NIBAN1: variants seen among roughly 807,000 people sequenced by gnomAD.
The protein encoded by NIBAN1 is protein Niban 1.
A neutral mutation model predicts 75.1 loss-of-function variants in NIBAN1; 81 were observed. The observed-to-expected ratio is 1.08, with a 90% CI of 0.90 to 1.30. The LOEUF is 1.30. Ranked by LOEUF, NIBAN1 falls within the 50% of genes most tolerant of loss-of-function variation. NIBAN1 has a pLI of 0.00. For synonymous variants in NIBAN1, 436 were observed against 424.8 expected (o/e 1.03, Z -0.32); for missense variants, 1,133 against 1,128.1 (o/e 1.00, Z -0.06).
intron 1 of NIBAN1, among the ~76,000 whole-genome samples, chr1:184,906,971 C>G (rs1011475834): frequency 6.6e-6 from 1 of 152,188 alleles, no homozygotes; most frequent in South Asian, 2.1e-4. Context: ...GATTATGCCT[C>G]GTTCCCCCAA....
intron 5 of NIBAN1, among the ~76,000 whole-genome samples, chr1:184,840,149 T>C (rs2102249508): frequency 6.6e-6 from 1 of 152,344 alleles, no homozygotes; most frequent in South Asian, 2.1e-4. Flanking sequence ...AATTTTTATT[T>C]TAAAACACAT....
intron 5 of NIBAN1, among the ~76,000 whole-genome samples, chr1:184,845,406 TTAAAA>T (rs1655409439): frequency 6.6e-6 from 1 of 152,228 alleles, no homozygotes; most frequent in Admixed American, 6.5e-5. Flanking sequence ...TTTCCACAAA[TTAAAA>T]TAACAATTAT....
At chr1:184,928,111 C>T (rs1376270416) in intron 1 of NIBAN1, among the ~76,000 whole-genome samples, 1 of 152,118 alleles carries the variant, frequency 6.6e-6, no homozygotes, top group African/African-American at 2.4e-5. Context: ...TAGCAAGTTC[C>T]CTTCTGGCAC....
chr1:184,806,124 C>T (rs1232212024), intron 10 of NIBAN1, 68 bp from the exon 11 acceptor site: 1 of 1,262,456 alleles, frequency 7.9e-7, no homozygotes, highest in Non-Finnish European at 1.1e-6. Flanking sequence ...ACAGGCCTGG[C>T]TAAGTGGGAC....
At chr1:184,904,620 A>T (rs926119747) in intron 1 of NIBAN1, among the ~76,000 whole-genome samples, 1 of 151,968 alleles carries the variant, frequency 6.6e-6, no homozygotes, top group Non-Finnish European at 1.5e-5. Context: ...CCCAACCACC[A>T]CACCTTCAAT....
intron 9 of NIBAN1, among the ~76,000 whole-genome samples, chr1:184,814,742 AAATTGTTTAAATATAC>A (rs1654479811): frequency 6.6e-6 from 1 of 152,248 alleles, no homozygotes; most frequent in Non-Finnish European, 1.5e-5. Context: ...GCCAATACTG[AAATTGTTTAAATATAC>A]AATTTGAATG....
rs534829992 is a variant in NIBAN1 at position 184,953,059 on chromosome 1, A to G, written c.55+21243T>C. The stretch of plus-strand genomic sequence containing the variant: ...ATGTACAGTTTATTTAAAATCTTTG[A>G]CTTTAGGTTGCAGAAGGTATACTAT... On this transcript the variant is annotated intron_variant, in intron 1 of 13. Coordinates refer to ENST00000367511, the MANE Select transcript of NIBAN1 (RefSeq NM_052966.4). 8.5e-5 allele frequency among the ~76,000 whole-genome samples: 13 copies of G among 152,344 alleles called. No homozygotes were observed. In the South Asian group the frequency reaches 2.7e-3, roughly 32 times the overall value.
intron 1 of NIBAN1, among the ~76,000 whole-genome samples, chr1:184,964,713 G>A (rs1658734396): frequency 6.6e-6 from 1 of 152,200 alleles, no homozygotes; most frequent in Admixed American, 6.5e-5. Context: ...GGTTGGCGGA[G>A]AGGAAAGAGA....
At chr1:184,924,593 G>A (rs1657637978) in intron 1 of NIBAN1, among the ~76,000 whole-genome samples, 1 of 152,094 alleles carries the variant, frequency 6.6e-6, no homozygotes, top group African/African-American at 2.4e-5. Flanking sequence ...TTGTTTTTCA[G>A]AATAGTTTGG....
chr1:184,831,318 T>G (rs1557880747), intron 6 of NIBAN1, among the ~76,000 whole-genome samples: 1 of 152,216 alleles, frequency 6.6e-6, no homozygotes, highest in Non-Finnish European at 1.5e-5. Context: ...TTACTTCATT[T>G]ACATATAATT....
At chr1:184,814,884 A>G (rs1049389970) in intron 9 of NIBAN1, among the ~76,000 whole-genome samples, 2 of 152,190 alleles carry the variant, frequency 1.3e-5, no homozygotes, top group African/African-American at 4.8e-5. Flanking sequence ...TTAAGCATGG[A>G]CTCATGAAGA....
chr1:184,938,656 C>T (rs1362387720), intron 1 of NIBAN1, among the ~76,000 whole-genome samples: 1 of 152,108 alleles, frequency 6.6e-6, no homozygotes, highest in Non-Finnish European at 1.5e-5. Context: ...TATTTTTAAA[C>T]ACTGTTAAGC....
At chr1:184,858,339 GGAA>G (rs1341187695) in intron 5 of NIBAN1, among the ~76,000 whole-genome samples, 1 of 151,822 alleles carries the variant, frequency 6.6e-6, no homozygotes, top group African/African-American at 2.4e-5. Flanking sequence ...CAAAACAAAA[GGAA>G]GAAGAAGAAA....
intron 8 of NIBAN1, among the ~76,000 whole-genome samples, chr1:184,822,055 C>T (rs757298903): frequency 1.3e-5 from 2 of 152,162 alleles, no homozygotes; most frequent in Non-Finnish European, 2.9e-5. Context: ...GGGTGTTCCT[C>T]GGTCACTGCT....
intron 5 of NIBAN1, among the ~76,000 whole-genome samples, chr1:184,862,199 G>A (rs1655836211): frequency 1.3e-5 from 2 of 152,100 alleles, no homozygotes; most frequent in African/African-American, 4.8e-5. Context: ...CCCCTGCCCG[G>A]TTAACAGCAG....
intron 1 of NIBAN1, among the ~76,000 whole-genome samples, chr1:184,934,290 T>C (rs1409664079): frequency 1.3e-5 from 2 of 151,976 alleles, no homozygotes; most frequent in East Asian, 1.9e-4. Flanking sequence ...GACATAAAGA[T>C]GGCAACAATA....
chr1:184,828,190 AG>A (rs535545089), intron 6 of NIBAN1, among the ~76,000 whole-genome samples: 157 of 152,310 alleles, frequency 1.0e-3, no homozygotes, highest in Middle Eastern at 3.4e-3. Context: ...ACAGTCTGCC[AG>A]GCAAGTTATT....
chr1:184,961,057 CTTTTTTTT>C (rs1168955438), intron 1 of NIBAN1, among the ~76,000 whole-genome samples: 5 of 57,810 alleles, frequency 8.6e-5, no homozygotes, highest in African/African-American at 3.8e-4. Flanking sequence ...ATATGCCGTT[CTTTTTTTT>C]TTTTTTTTTT....
At chr1:184,969,184 G>A (rs1272783859) in intron 1 of NIBAN1, among the ~76,000 whole-genome samples, 2 of 152,152 alleles carry the variant, frequency 1.3e-5, no homozygotes, top group African/African-American at 2.4e-5. Context: ...TAAACATAAT[G>A]GGAGAATGCT....
Sources: gnomAD v4.1 joint callset for allele counts (sites outside exome capture counted in the v4.1 genomes callset) on GRCh38, gnomAD v4.1.1 for gene constraint, MANE v1.5 for transcripts, NCBI Gene and HGNC (gene_info 2026-07-23, HGNC 2026-07-21) for gene names.